KLHL1: variants seen among roughly 807,000 people sequenced by gnomAD.
The protein encoded by KLHL1 is kelch-like protein 1.
A neutral mutation model predicts 77.7 loss-of-function variants in KLHL1; 47 were observed. That is an observed-to-expected ratio of 0.60 (90% CI 0.48 to 0.77). KLHL1 has a LOEUF of 0.77. Ranked by LOEUF, KLHL1 falls within the 30% of genes least tolerant of loss-of-function variation. KLHL1 has a pLI of 0.00. For missense variants in KLHL1, 925 were observed against 910.8 expected (o/e 1.02, Z -0.20); for synonymous variants, 360 against 325.2 (o/e 1.11, Z -1.15).
chr13:69,775,986 A>G (rs1346396155), intron 7 of KLHL1, among the ~76,000 whole-genome samples: 1 of 143,850 alleles, frequency 7.0e-6, no homozygotes, highest in Non-Finnish European at 1.5e-5. Flanking sequence ...CCCTGTCTCT[A>G]CTAAAATACA....
intron 7 of KLHL1, among the ~76,000 whole-genome samples, chr13:69,745,650 A>T (rs1405930943): frequency 2.0e-5 from 3 of 151,982 alleles, no homozygotes; most frequent in Non-Finnish European, 4.4e-5. Context: ...AAATATAAAA[A>T]TTAAAACAAT....
chr13:69,962,149 C>G (rs908407764), intron 2 of KLHL1, among the ~76,000 whole-genome samples: 2 of 151,778 alleles, frequency 1.3e-5, no homozygotes, highest in Non-Finnish European at 2.9e-5. Flanking sequence ...GTTTCCTTTT[C>G]AATTTTAAAG....
intron 2 of KLHL1, among the ~76,000 whole-genome samples, chr13:69,968,726 G>T (rs1479870487): frequency 6.6e-6 from 1 of 152,054 alleles, no homozygotes; most frequent in Non-Finnish European, 1.5e-5. Context: ...AATACCTTTT[G>T]TTGCAGAGAG....
intron 1 of KLHL1, among the ~76,000 whole-genome samples, chr13:69,984,261 C>G (rs559070387): frequency 3.9e-5 from 6 of 152,260 alleles, no homozygotes; most frequent in East Asian, 1.9e-4. Context: ...CAAATCATTT[C>G]TTTTCTGAAA....
chr13:69,781,103 C>CT (rs61044491), intron 7 of KLHL1, among the ~76,000 whole-genome samples: 55,103 of 151,562 alleles, frequency 0.36, 10,294 homozygotes, highest in African/African-American at 0.43. Context: ...CTGCCCAAAT[C>CT]TTGCAGGGGG....
intron 6 of KLHL1, among the ~76,000 whole-genome samples, chr13:69,818,219 CTT>C (rs1316398623): frequency 2.7e-4 from 30 of 112,878 alleles, no homozygotes; most frequent in Non-Finnish European, 4.7e-4. Flanking sequence ...TCATAGGCAT[CTT>C]TTTTTTTTTT....
At chr13:69,950,838 T>G (rs1394119047) in intron 3 of KLHL1, among the ~76,000 whole-genome samples, 4 of 151,604 alleles carry the variant, frequency 2.6e-5, no homozygotes, top group African/African-American at 9.7e-5. Context: ...ATTAGAGACT[T>G]GTGCTCCTGG....
At chr13:70,084,774 C>G (rs908927830) in intron 1 of KLHL1, among the ~76,000 whole-genome samples, 1 of 151,268 alleles carries the variant, frequency 6.6e-6, no homozygotes, top group Non-Finnish European at 1.5e-5. Context: ...TGCGCCGGGC[C>G]GTCTATTTCA....
intron 5 of KLHL1, among the ~76,000 whole-genome samples, chr13:69,865,786 G>T (rs1880345997): frequency 6.6e-6 from 1 of 152,038 alleles, no homozygotes; most frequent in Non-Finnish European, 1.5e-5. Flanking sequence ...CATTGTTACT[G>T]GACATGGAAT....
chr13:69,949,859 A>T (rs550823861), intron 3 of KLHL1, among the ~76,000 whole-genome samples: 1 of 151,942 alleles, frequency 6.6e-6, no homozygotes, highest in Non-Finnish European at 1.5e-5. Context: ...ACTGCAATTT[A>T]GAATTTTGCT....
intron 4 of KLHL1, among the ~76,000 whole-genome samples, chr13:69,905,578 C>G (rs1010803609): frequency 7.2e-5 from 11 of 151,892 alleles, no homozygotes; most frequent in African/African-American, 2.7e-4. Context: ...ATTGAGAAAG[C>G]CTTGAATTCC....
At chr13:70,043,414 A>G (rs1886424276) in intron 1 of KLHL1, among the ~76,000 whole-genome samples, 1 of 152,182 alleles carries the variant, frequency 6.6e-6, no homozygotes, top group South Asian at 2.1e-4. Flanking sequence ...TTGAAGAAAG[A>G]AAAATAAATA....
chr13:69,908,162 C>T (rs978933417), intron 4 of KLHL1, among the ~76,000 whole-genome samples: 6 of 151,816 alleles, frequency 4.0e-5, no homozygotes, highest in Admixed American at 1.3e-4. Context: ...TTGTTGAAGC[C>T]ATGGGCTATG....
At chr13:69,911,393 G>A (rs1882234892) in intron 4 of KLHL1, among the ~76,000 whole-genome samples, 1 of 151,732 alleles carries the variant, frequency 6.6e-6, no homozygotes, top group Non-Finnish European at 1.5e-5. Flanking sequence ...TGACCCTCTG[G>A]CTCTGAAGTG....
chr13:70,060,308 T>G (rs1156297222), intron 1 of KLHL1, among the ~76,000 whole-genome samples: 3 of 152,088 alleles, frequency 2.0e-5, no homozygotes, highest in Non-Finnish European at 4.4e-5. Context: ...CATTGTACAC[T>G]CTTGTTGGGA....
At position 70,079,444 on chromosome 13, in the gene KLHL1, T is replaced by C. The variant is rs114240144; in HGVS notation, c.497+27759A>G. The stretch of plus-strand genomic sequence containing the variant: ...AAGATATACAACTCACTAAATCTAT[T>C]CATGATGCCTATTTCATTTTCCATT... On this transcript the variant is annotated intron_variant, in intron 1 of 10. Transcript: ENST00000377844. Among the ~76,000 whole-genome samples the C allele has an allele frequency of 3.7e-3, 568 of 152,320 alleles. 3 individuals are homozygous for C. Among genetic ancestry groups the C allele is most frequent in the African/African-American group, 0.012 (508 of 41,568 alleles).
intron 4 of KLHL1, among the ~76,000 whole-genome samples, chr13:69,932,117 A>T (rs986298398): frequency 3.5e-4 from 53 of 151,812 alleles, no homozygotes; most frequent in African/African-American, 1.2e-3. Context: ...TTGTGTGCCT[A>T]AAATGAGACA....
chr13:69,764,929 CTTTTTTTTTTTTTTTTTTTTTTTTTTTTT>C, intron 7 of KLHL1, among the ~76,000 whole-genome samples: 1 of 39,726 alleles, frequency 2.5e-5, no homozygotes, highest in East Asian at 1.3e-3. Flanking sequence ...TATATCTTTG[CTTTTTTTTTTTTTTTTTTTTTTTTTTTTT>C]TTTTTTTTTT....
chr13:70,010,955 C>A (rs1885521346), intron 1 of KLHL1, among the ~76,000 whole-genome samples: 1 of 151,300 alleles, frequency 6.6e-6, no homozygotes, highest in Non-Finnish European at 1.5e-5. Flanking sequence ...AGTAGACACC[C>A]AAATGGAGAT....
Sources: gnomAD v4.1 joint callset for allele counts (sites outside exome capture counted in the v4.1 genomes callset) on GRCh38, gnomAD v4.1.1 for gene constraint, MANE v1.5 for transcripts, NCBI Gene and HGNC (gene_info 2026-07-23, HGNC 2026-07-21) for gene names.